The following GATA4 variants were observed in gnomAD, a reference collection of about 807,000 sequenced individuals.
GATA4 encodes GATA binding protein 4, also known as transcription factor GATA-4.
GATA4 carries 7 observed loss-of-function variants against 37.9 expected under a neutral mutation model. The ratio of observed to expected loss-of-function variants is 0.18; its 90% CI spans 0.11 to 0.35. The LOEUF (loss-of-function observed/expected upper bound fraction) is 0.35, where lower values mean the gene tolerates loss of function less well. GATA4 is among the 10% of genes least tolerant of loss of function. GATA4 has a pLI of 1.00. For missense variants in GATA4, 647 were observed against 653.0 expected, an observed-to-expected ratio of 0.99 and a Z score of 0.10; for synonymous variants, 372 against 292.6, an observed-to-expected ratio of 1.27 and a Z score of -2.77.
At chr8:11,745,108 C>T (rs545741573) in intron 2 of GATA4, among the ~76,000 whole-genome samples, 6 of 152,346 alleles carry the variant, frequency 3.9e-5, no homozygotes, top group African/African-American at 1.4e-4. Flanking sequence ...CCTCCAGTGA[C>T]TTTACCTGGA....
chr8:11,708,019 G>T lies in GATA4; in HGVS notation c.-294G>T, dbSNP rs368418329. On this transcript the variant is annotated 5_prime_UTR_variant, in exon 2 of 7. Transcript: ENST00000532059. The surrounding 1 kb of genome is among the most constrained non-coding windows in gnomAD (Gnocchi z 6.7). ...TCCGTCTTCTGCCCCCAATAGGTGCGCCGGACCTTCAGGCCCTGGGGTGAA... is the reference window on the plus strand; with the variant it reads ...TCCGTCTTCTGCCCCCAATAGGTGCTCCGGACCTTCAGGCCCTGGGGTGAA... 2.4e-3 allele frequency: 1,097 copies of T among 450,872 alleles called. 7 individuals are homozygous for T. Among genetic ancestry groups the T allele is most frequent in the African/African-American group, 0.018 (912 of 49,800 alleles). 27.9% of individuals were successfully genotyped at this position (450,872 alleles called of 1,614,324 possible).
upstream of GATA4, among the ~76,000 whole-genome samples, chr8:11,699,610 G>A (rs1023639939): frequency 3.9e-5 from 6 of 152,260 alleles, no homozygotes; most frequent in African/African-American, 1.4e-4. Flanking sequence ...CGGCGCCTGC[G>A]TGGCCACTGC....
intron 2 of GATA4, among the ~76,000 whole-genome samples, chr8:11,736,137 C>G (rs1186881846): frequency 6.6e-6 from 1 of 151,974 alleles, no homozygotes; most frequent in Non-Finnish European, 1.5e-5. Flanking sequence ...TATTGAACTC[C>G]TGAGCTCAAG....
chr8:11,718,227 C>T (rs1800521271), intron 2 of GATA4, among the ~76,000 whole-genome samples: 1 of 152,210 alleles, frequency 6.6e-6, no homozygotes, highest in Admixed American at 6.5e-5. Context: ...AGCAGCCCAT[C>T]AGTGGAAGTT....
chr8:11,679,136 C>G lies in GATA4; in HGVS notation c.-274+2073C>G, dbSNP rs531593030. Among the ~76,000 whole-genome samples the G allele has an allele frequency of 3.9e-3, 580 of 148,908 alleles. 4 individuals are homozygous for G. The highest frequency in any genetic ancestry group is 0.014 in the African/African-American group (547 of 40,482). ...AGCCATCAATCTCCAATTGTCTAAA[C>G]ACTACACGAAGTGGAGATTCGAGGC... On this transcript the variant is annotated intron_variant, in intron 1 of 6. Coordinates refer to the GATA4 transcript ENST00000528712.
chr8:11,758,182 G>C, intron 6 of GATA4, 111 bp from the exon 7 acceptor site: 1 of 1,045,116 alleles, frequency 9.6e-7, no homozygotes, highest in Non-Finnish European at 1.5e-6. Flanking sequence ...CTTCCTGAGG[G>C]CTGAAGCCAT....
intron 1 of GATA4, among the ~76,000 whole-genome samples, chr8:11,705,428 G>A (rs1216824451): frequency 6.6e-6 from 1 of 152,214 alleles, no homozygotes; most frequent in Admixed American, 6.5e-5. Context: ...GTCCTATAAA[G>A]GGACGGGGAC....
At chr8:11,745,670 G>T (rs978152345) in intron 2 of GATA4, among the ~76,000 whole-genome samples, 1 of 152,124 alleles carries the variant, frequency 6.6e-6, no homozygotes, top group Non-Finnish European at 1.5e-5. Flanking sequence ...TAATTGTGAG[G>T]AGAAAAGAGA....
At chr8:11,726,074 G>T (rs1800908755) in intron 2 of GATA4, among the ~76,000 whole-genome samples, 1 of 152,220 alleles carries the variant, frequency 6.6e-6, no homozygotes, top group South Asian at 2.1e-4. Context: ...CTGGGGTCCG[G>T]AATACCATCA....
intron 1 of GATA4, among the ~76,000 whole-genome samples, chr8:11,679,736 C>T (rs940870475): frequency 1.3e-5 from 2 of 152,078 alleles, no homozygotes; most frequent in Non-Finnish European, 2.9e-5. Flanking sequence ...GAAAAGCGAA[C>T]GGAAAGTGAC....
intron 2 of GATA4, among the ~76,000 whole-genome samples, chr8:11,711,747 CAAAAAA>C (rs71205018): frequency 3.5e-5 from 2 of 56,864 alleles, no homozygotes; most frequent in Non-Finnish European, 6.8e-5. Flanking sequence ...GACCCTCTCT[CAAAAAA>C]AAAAAAAAAA....
intron 2 of GATA4, among the ~76,000 whole-genome samples, chr8:11,743,611 G>T (rs1263746442): frequency 6.6e-6 from 1 of 152,210 alleles, no homozygotes; most frequent in South Asian, 2.1e-4. Flanking sequence ...TCTTCCTCCC[G>T]TGCCTTCCCT....
At position 11,681,008 on chromosome 8, in the gene GATA4, G is replaced by T. The variant is rs909684207; in HGVS notation, c.-274+3945G>T. 5 of 944,934 alleles carry T rather than the reference G, an allele frequency of 5.3e-6. No homozygotes were observed. In the African/African-American group the frequency reaches 8.9e-5, roughly 17 times the overall value. 58.5% of individuals were successfully genotyped at this position (944,934 alleles called of 1,614,324 possible). ...CCCTGCAGAGAGACCCCGCACCCCC[G>T]AATCCCATACCCCAGGCTGCAAAGC... On this transcript the variant is annotated intron_variant, in intron 1 of 6. Transcript: ENST00000528712.
chr8:11,711,832 C>T (rs1310471231), intron 2 of GATA4, among the ~76,000 whole-genome samples: 1 of 151,964 alleles, frequency 6.6e-6, no homozygotes, highest in Non-Finnish European at 1.5e-5. Flanking sequence ...CTCCTACCTG[C>T]CTGGCAGCTT....
chr8:11,718,799 A>G (rs1484328050), intron 2 of GATA4, among the ~76,000 whole-genome samples: 1 of 152,226 alleles, frequency 6.6e-6, no homozygotes, highest in East Asian at 1.9e-4. Context: ...TCCATTTAGA[A>G]CTGATCGATA....
At chr8:11,697,493 C>G (rs1799540465) in intron 1 of GATA4, 1 of 950,100 alleles carries the variant, frequency 1.1e-6, no homozygotes, top group African/African-American at 1.8e-5. Flanking sequence ...GAGCAGCGCT[C>G]TCGGTGGGCA....
upstream of GATA4, among the ~76,000 whole-genome samples, chr8:11,688,512 G>A (rs544974313): frequency 5.9e-5 from 8 of 134,738 alleles, no homozygotes; most frequent in East Asian, 5.9e-4. Flanking sequence ...GCATGCATGC[G>A]CGTGCGCGCA....
chr8:11,721,148 C>T (rs1800655703), intron 2 of GATA4, among the ~76,000 whole-genome samples: 1 of 151,402 alleles, frequency 6.6e-6, no homozygotes, highest in African/African-American at 2.4e-5. Flanking sequence ...CGCAAGGGGG[C>T]GAAAGTGGGT....
In GATA4 at chr8:11,750,164, C is replaced by G; in HGVS notation, c.840C>G (p.Thr280=). Residue 280 remains threonine (T), a synonymous_variant, in exon 4 of 7, where the codon ACC becomes ACG. Coordinates refer to ENST00000532059, the MANE Select transcript of GATA4 (RefSeq NM_001308093.3). ...LSCANCQTTT[T]TLWRRNAEGE... ...GTGCCAACTGCCAGACCACCACCAC[C>G]ACGCTGTGGCGCCGCAATGCGGAGG... 1 of 1,613,918 alleles carries G rather than the reference C, an allele frequency of 6.2e-7. No homozygotes were observed. Among genetic ancestry groups the G allele is most frequent in the Non-Finnish European group, 8.5e-7 (1 of 1,180,038 alleles).
Sources: allele counts gnomAD v4.1 joint callset (sites outside exome capture counted in the v4.1 genomes callset), GRCh38; gene constraint gnomAD v4.1.1; non-coding constraint Gnocchi (gnomAD v3.1); transcripts MANE v1.5; gene names NCBI Gene and HGNC (gene_info 2026-07-23, HGNC 2026-07-21).